ARHGAP24: variants seen among roughly 807,000 people sequenced by gnomAD.
The protein encoded by ARHGAP24 is Rho GTPase activating protein 24, also known as rho GTPase-activating protein 24.
ARHGAP24 carries 50 observed loss-of-function variants against 76.4 expected under a neutral mutation model. That is an observed-to-expected ratio of 0.65 (90% CI 0.52 to 0.83). The LOEUF is 0.83. ARHGAP24 is among the 40% of genes least tolerant of loss of function. ARHGAP24 has a pLI of 0.00. For synonymous variants in ARHGAP24, 345 were observed against 323.3 expected, an observed-to-expected ratio of 1.07 and a Z score of -0.72; for missense variants, 930 against 914.2, an observed-to-expected ratio of 1.02 and a Z score of -0.22.
intron 3 of ARHGAP24, among the ~76,000 whole-genome samples, chr4:85,888,470 G>A (rs912245775): frequency 6.6e-6 from 1 of 151,210 alleles, no homozygotes. Flanking sequence ...AGCTTCAGAT[G>A]CATTTTTGTA....
chr4:85,476,585 A>C (rs1722609189), intron 1 of ARHGAP24, among the ~76,000 whole-genome samples: 1 of 152,242 alleles, frequency 6.6e-6, no homozygotes, highest in African/African-American at 2.4e-5. Context: ...TAAGTAAGAC[A>C]AATTCATTGG....
At chr4:85,530,175 CT>C (rs1284028044) in intron 1 of ARHGAP24, among the ~76,000 whole-genome samples, 7 of 140,280 alleles carry the variant, frequency 5.0e-5, no homozygotes, top group African/African-American at 2.3e-4. Flanking sequence ...TTTCAAGCTA[CT>C]TTTAATTTTT....
chr4:85,721,418 AG>A (rs1176738257), intron 2 of ARHGAP24, among the ~76,000 whole-genome samples: 1 of 151,494 alleles, frequency 6.6e-6, no homozygotes, highest in Non-Finnish European at 1.5e-5. Context: ...AAAAAAAAAA[AG>A]AAAAGGAAAA....
chr4:85,890,625 T>C (rs898288077), intron 3 of ARHGAP24, among the ~76,000 whole-genome samples: 2 of 152,124 alleles, frequency 1.3e-5, no homozygotes, highest in African/African-American at 4.8e-5. Flanking sequence ...GGAGGGAACG[T>C]GGAAGTAAAA....
At position 85,890,181 on chromosome 4, in the gene ARHGAP24, G is replaced by C. The variant is rs999447025; in HGVS notation, c.269-33467G>C. On this transcript the variant is annotated intron_variant, in intron 3 of 9. Transcript: ENST00000395184. The stretch of plus-strand genomic sequence containing the variant: ...AGCTATCAGTTAACAATGACACCTA[G>C]TCCTTAGCATTTACTCAGTATAGAA... Among the ~76,000 whole-genome samples, 6 of 152,084 alleles carry C rather than the reference G, an allele frequency of 3.9e-5. No homozygotes were observed. The South Asian group carries it at 1.2e-3, about 31-fold the overall frequency.
chr4:85,867,345 A>G (rs547020957), intron 3 of ARHGAP24, among the ~76,000 whole-genome samples: 12 of 152,188 alleles, frequency 7.9e-5, no homozygotes, highest in South Asian at 6.2e-4. Context: ...TCTTATTGTC[A>G]TGGATTCTAG....
At chr4:85,717,332 A>G (rs1030961673) in intron 2 of ARHGAP24, among the ~76,000 whole-genome samples, 1 of 152,070 alleles carries the variant, frequency 6.6e-6, no homozygotes, top group Non-Finnish European at 1.5e-5. Flanking sequence ...AATGTATACC[A>G]TTTCTACTGC....
intron 3 of ARHGAP24, among the ~76,000 whole-genome samples, chr4:85,834,111 G>T (rs894584523): frequency 6.6e-6 from 1 of 152,136 alleles, no homozygotes. Context: ...TAGCAAATAG[G>T]ACTATTATTT....
intron 2 of ARHGAP24, among the ~76,000 whole-genome samples, chr4:85,649,498 G>A (rs531734243): frequency 4.6e-5 from 7 of 152,096 alleles, no homozygotes; most frequent in Admixed American, 3.9e-4. Context: ...CTTCATTAAC[G>A]GCTTGATATT....
chr4:85,641,223 C>G (rs1031859554), intron 2 of ARHGAP24, among the ~76,000 whole-genome samples: 1 of 152,108 alleles, frequency 6.6e-6, no homozygotes, highest in East Asian at 1.9e-4. Flanking sequence ...CAGCCTTGCG[C>G]GTAGTGGGAC....
chr4:85,562,987 A>G (rs940409255), intron 1 of ARHGAP24, among the ~76,000 whole-genome samples: 2 of 152,178 alleles, frequency 1.3e-5, no homozygotes, highest in African/African-American at 4.8e-5. Flanking sequence ...TGAGGTGAGA[A>G]TTGTTGCTCA....
rs188473850 is a variant in ARHGAP24, at chr4:85,557,229, G to A, written c.-20-13293G>A. Among the ~76,000 whole-genome samples, 365 of 140,200 alleles carry A rather than the reference G, an allele frequency of 2.6e-3. 7 individuals carry two copies. Among genetic ancestry groups the A allele is most frequent in the Non-Finnish European group, 3.6e-4 (23 of 63,524 alleles). The allele number at this position is 140,200 out of a possible 152,430, so 92.0% of individuals were successfully genotyped here. A position where few individuals can be genotyped will look rare whatever the true frequency, so the allele number is the denominator to read the frequency against. On this transcript the variant is annotated intron_variant, in intron 1 of 9. Coordinates refer to ENST00000395184, the MANE Select transcript of ARHGAP24 (RefSeq NM_001025616.3). ...ATCCTGCAAGGTGCAGTGGAGGCAT[G>A]GCTTGCAGTCCATCACTGCTCAGCT... is the stretch of plus-strand genomic sequence containing the variant.
intron 1 of ARHGAP24, among the ~76,000 whole-genome samples, chr4:85,481,137 C>T (rs951486235): frequency 6.6e-6 from 1 of 152,130 alleles, no homozygotes; most frequent in South Asian, 2.1e-4. Context: ...TTTTTACATA[C>T]ATTACTTCTG....
chr4:85,679,123 T>C lies in ARHGAP24; in HGVS notation c.181-42762T>C, dbSNP rs138814700. Among the ~76,000 whole-genome samples, 321 of 152,250 alleles carry C rather than the reference T, an allele frequency of 2.1e-3. 3 individuals are homozygous for C. Among genetic ancestry groups the C allele is most frequent in the Middle Eastern group, 6.8e-3 (2 of 294 alleles). On this transcript the variant is annotated intron_variant, in intron 2 of 9. Transcript: ENST00000395184. The stretch of plus-strand genomic sequence containing the variant: ...TTAGAGCATGGCAAGACAAGTTATA[T>C]GAGAGGAAGAAGAGGAGAAACCTGG...
chr4:85,918,374 G>A (rs879494721), intron 3 of ARHGAP24, among the ~76,000 whole-genome samples: 1 of 151,638 alleles, frequency 6.6e-6, no homozygotes, highest in East Asian at 1.9e-4. Flanking sequence ...GAGCATGTTG[G>A]TATCATTTGC....
chr4:85,819,399 G>A (rs1250860386), intron 3 of ARHGAP24, among the ~76,000 whole-genome samples: 1 of 151,830 alleles, frequency 6.6e-6, no homozygotes, highest in Non-Finnish European at 1.5e-5. Context: ...TTTACCCAAG[G>A]TTGCTCAGTT....
chr4:85,499,548 A>G (rs1560509867), intron 1 of ARHGAP24, among the ~76,000 whole-genome samples: 1 of 152,234 alleles, frequency 6.6e-6, no homozygotes, highest in African/African-American at 2.4e-5. Context: ...AATATTCTCC[A>G]GAGGTTCAAA....
intron 2 of ARHGAP24, among the ~76,000 whole-genome samples, chr4:85,676,983 GA>G (rs1351371294): frequency 1.3e-5 from 2 of 152,190 alleles, no homozygotes; most frequent in African/African-American, 2.4e-5. Flanking sequence ...GAGGCTACCA[GA>G]AGGGAGGCTC....
chr4:85,521,292 G>A (rs1724736041), intron 1 of ARHGAP24, among the ~76,000 whole-genome samples: 1 of 152,060 alleles, frequency 6.6e-6, no homozygotes, highest in African/African-American at 2.4e-5. Flanking sequence ...CACTAACCTT[G>A]GAAGGCTTCT....
Sources: allele counts gnomAD v4.1 joint callset (sites outside exome capture counted in the v4.1 genomes callset), GRCh38; gene constraint gnomAD v4.1.1; transcripts MANE v1.5; gene names NCBI Gene and HGNC (gene_info 2026-07-23, HGNC 2026-07-21).